Variants in IFNGR2 observed in about 807,000 individuals in gnomAD.
IFNGR2 encodes IFN-gamma receptor 2.
IFNGR2 carries 15 observed loss-of-function variants against 41.1 expected under a neutral mutation model. The observed-to-expected ratio is 0.37, with a 90% CI of 0.24 to 0.56. The LOEUF (loss-of-function observed/expected upper bound fraction) is 0.56. Among genes scored for constraint, IFNGR2 ranks in the 20% least tolerant of loss-of-function variants. The pLI, the probability that IFNGR2 is intolerant of heterozygous loss-of-function variation, is 0.81. For missense variants in IFNGR2, 362 were observed against 415.7 expected, an observed-to-expected ratio of 0.87 and a Z score of 1.12; for synonymous variants, 161 against 171.6, an observed-to-expected ratio of 0.94 and a Z score of 0.48.
At chr21:33,421,156 AC>A (rs2083788525) in intron 2 of IFNGR2, among the ~76,000 whole-genome samples, 1 of 152,122 alleles carries the variant, frequency 6.6e-6, no homozygotes, top group Admixed American at 6.6e-5. Flanking sequence ...ACATGGTGAC[AC>A]CCCATCTCTA....
At position 33,426,908 on chromosome 21, in the gene IFNGR2, T is replaced by C. The variant is rs188848981; in HGVS notation, c.437T>C (p.Ile146Thr). ...GTGACTGTCGGGCCTCCAGAAAACA[T>C]TGAGGTGACCCCAGGAGAAGGCTCC... The part of the protein sequence containing the change: ...RNVTVGPPEN[I>T]EVTPGEGSLI... Residue 146 changes from isoleucine to threonine, a missense_variant, in exon 4 of 7, where the codon ATT becomes ACT. Coordinates refer to ENST00000290219, the MANE Select transcript of IFNGR2 (RefSeq NM_005534.4). 104 of 1,613,776 alleles carry C rather than the reference T, an allele frequency of 6.4e-5. No individual in the cohort carries two copies. Among genetic ancestry groups the C allele is most frequent in the African/African-American group, 1.1e-4 (8 of 74,946 alleles).
intron 2 of IFNGR2, 77 bp downstream of exon 2, chr21:33,415,097 C>A: frequency 6.6e-7 from 1 of 1,520,982 alleles, no homozygotes; most frequent in Non-Finnish European, 9.1e-7. Context: ...ACATACTAGT[C>A]CCTGCCTCTG....
At chr21:33,404,737 C>CT (rs2083665334) in intron 1 of IFNGR2, among the ~76,000 whole-genome samples, 1 of 152,176 alleles carries the variant, frequency 6.6e-6, no homozygotes, top group African/African-American at 2.4e-5. Flanking sequence ...CTGAGCCAGG[C>CT]TTTTAAAACC....
rs150726880 is a variant in IFNGR2 at position 33,430,754 on chromosome 21, A to G, written c.562-1423A>G. On this transcript the variant is annotated intron_variant, in intron 4 of 6. Transcript: ENST00000290219. The stretch of plus-strand genomic sequence containing the variant: ...AGGCATGAGCCACCATGCCTGGCCT[A>G]TTTTTGTATTTTAAAAAATAACAAC... Among the ~76,000 whole-genome samples the G allele has an allele frequency of 5.3e-5, 8 of 152,230 alleles. No individual in the cohort carries two copies. In the East Asian group the frequency reaches 1.5e-3, roughly 29 times the overall value.
chr21:33,405,958 A>C (rs2083674586), intron 1 of IFNGR2, among the ~76,000 whole-genome samples: 1 of 152,178 alleles, frequency 6.6e-6, no homozygotes, highest in African/African-American at 2.4e-5. Context: ...TAAACTCAGG[A>C]GGCAGAGGTG....
At chr21:33,426,712 T>G (rs2083838944) in intron 3 of IFNGR2, among the ~76,000 whole-genome samples, 172 bp from the exon 4 acceptor site, 1 of 151,566 alleles carries the variant, frequency 6.6e-6, no homozygotes, top group Admixed American at 6.6e-5. Context: ...AGAGCAAAAC[T>G]GTCTCGAAAA....
At position 33,403,534 on chromosome 21, in the gene IFNGR2, G is replaced by T; in HGVS notation, c.-10G>T. ...GCCGCGACCTGAGCCGCCGCCGAGC[G>T]CCCGGGGCCATGCGACCGACGCTGC... On this transcript the variant is annotated 5_prime_UTR_variant, in exon 1 of 7. Transcript: ENST00000290219. 7.7e-7 allele frequency: 1 copy of T among 1,294,056 alleles called. No homozygotes were observed. Among genetic ancestry groups the T allele is most frequent in the South Asian group, 1.9e-5 (1 of 51,418 alleles). 80.2% of individuals were successfully genotyped at this position (1,294,056 alleles called of 1,614,324 possible). A position where few individuals can be genotyped will look rare whatever the true frequency, so the allele number is the denominator to read the frequency against.
At chr21:33,403,909 A>G (rs1470281220) in intron 1 of IFNGR2, among the ~76,000 whole-genome samples, 8 of 152,110 alleles carry the variant, frequency 5.3e-5, no homozygotes, top group Non-Finnish European at 1.0e-4. Flanking sequence ...GGGCAGCAGC[A>G]GGAAGACGGG....
At chr21:33,412,641 C>T (rs2083725355) in intron 1 of IFNGR2, among the ~76,000 whole-genome samples, 1 of 152,128 alleles carries the variant, frequency 6.6e-6, no homozygotes, top group African/African-American at 2.4e-5. Flanking sequence ...CTGCAACCTC[C>T]GCCTCCCGGG....
chr21:33,433,181 C>T (rs756332452), intron 6 of IFNGR2, among the ~76,000 whole-genome samples: 1 of 152,108 alleles, frequency 6.6e-6, no homozygotes, highest in African/African-American at 2.4e-5. Context: ...CCACTGCGCC[C>T]GGCCACGCAG....
intron 2 of IFNGR2, among the ~76,000 whole-genome samples, chr21:33,420,335 T>A (rs1020728532): frequency 6.6e-6 from 1 of 152,152 alleles, no homozygotes; most frequent in Admixed American, 6.6e-5. Flanking sequence ...CTACTCAGGC[T>A]CCCAGCAGCC....
chr21:33,414,129 G>A (rs752183866), intron 1 of IFNGR2, among the ~76,000 whole-genome samples: 3 of 151,926 alleles, frequency 2.0e-5, no homozygotes, highest in East Asian at 3.9e-4. Context: ...CACTGAGCTC[G>A]GGCCGTGTTG....
At chr21:33,436,373 TTA>T (rs2123382917) in intron 6 of IFNGR2, among the ~76,000 whole-genome samples, 1 of 151,744 alleles carries the variant, frequency 6.6e-6, no homozygotes, top group African/African-American at 2.4e-5. Context: ...GAAAAATAAG[TTA>T]TGTCATTGGT....
intron 2 of IFNGR2, among the ~76,000 whole-genome samples, chr21:33,419,045 C>G (rs904642582): frequency 2.0e-5 from 3 of 152,040 alleles, no homozygotes; most frequent in African/African-American, 7.2e-5. Context: ...ATAAAATAAC[C>G]TGTTGTTCTA....
At chr21:33,404,100 C>T (rs1046767702) in intron 1 of IFNGR2, among the ~76,000 whole-genome samples, 1 of 152,266 alleles carries the variant, frequency 6.6e-6, no homozygotes, top group African/African-American at 2.4e-5. Flanking sequence ...CAAATTGAAT[C>T]CAGGGCTCCG....
chr21:33,432,421 T>C lies in IFNGR2; in HGVS notation c.721+85T>C, dbSNP rs900336045. 7.5e-6 allele frequency: 10 copies of C among 1,331,276 alleles called. No homozygotes were observed. In the Admixed American group the frequency reaches 1.3e-4, roughly 18 times the overall value. The allele number at this position is 1,331,276 out of a possible 1,614,324, so 82.5% of individuals were successfully genotyped here. A position where few individuals can be genotyped will look rare whatever the true frequency, so the allele number is the denominator to read the frequency against. On this transcript the variant is annotated intron_variant, in intron 5 of 6. Coordinates refer to ENST00000290219, the MANE Select transcript of IFNGR2 (RefSeq NM_005534.4). ...AAATCGGGGAATGCTTATGAGGTCATGGGTGGTGGGAGTGGGGAGACCCAG... is the reference window on the plus strand; with the variant it reads ...AAATCGGGGAATGCTTATGAGGTCACGGGTGGTGGGAGTGGGGAGACCCAG...
At chr21:33,407,682 A>G (rs940110237) in intron 1 of IFNGR2, among the ~76,000 whole-genome samples, 4 of 152,042 alleles carry the variant, frequency 2.6e-5, no homozygotes, top group Non-Finnish European at 4.4e-5. Context: ...TGCAACCTCT[A>G]TCTCCCAGGT....
chr21:33,428,766 C>T (rs1207539930), intron 4 of IFNGR2, among the ~76,000 whole-genome samples: 3 of 152,212 alleles, frequency 2.0e-5, no homozygotes, highest in African/African-American at 7.2e-5. Context: ...CCTCTGGCCA[C>T]GCTTTTCTCC....
chr21:33,413,557 C>T (rs1249275321), intron 1 of IFNGR2, among the ~76,000 whole-genome samples: 5 of 152,174 alleles, frequency 3.3e-5, no homozygotes, highest in Non-Finnish European at 7.3e-5. Flanking sequence ...CTTCCACCTT[C>T]TGGGCATTTC....
Sources: allele counts gnomAD v4.1 joint callset (sites outside exome capture counted in the v4.1 genomes callset), GRCh38; gene constraint gnomAD v4.1.1; transcripts MANE v1.5; gene names NCBI Gene and HGNC (gene_info 2026-07-23, HGNC 2026-07-21).